Variants in ZNF280D observed in about 807,000 individuals in gnomAD.
ZNF280D encodes zinc finger protein 280D.
A neutral mutation model predicts 94.7 loss-of-function variants in ZNF280D; 39 were observed. The ratio of observed to expected loss-of-function variants is 0.41; its 90% confidence interval spans 0.32 to 0.54. The LOEUF is 0.54. Among genes scored for constraint, ZNF280D ranks in the 20% least tolerant of loss-of-function variants. The pLI is 0.22. For missense variants in ZNF280D, 1,090 were observed against 1,149.3 expected, an observed-to-expected ratio of 0.95 and a Z score of 0.75; for synonymous variants, 398 against 377.6, an observed-to-expected ratio of 1.05 and a Z score of -0.63.
intron 19 of ZNF280D, 68 bp downstream of exon 19, chr15:56,654,130 T>C (rs1438159667): frequency 2.6e-6 from 4 of 1,564,304 alleles, no homozygotes. Context: ...GTATTAATGA[T>C]ACATTTAAAA....
intron 1 of ZNF280D, among the ~76,000 whole-genome samples, chr15:56,725,470 T>C (rs1279472184): frequency 6.6e-6 from 1 of 152,228 alleles, no homozygotes; most frequent in African/African-American, 2.4e-5. Context: ...AGAGTGGTAT[T>C]GTTTTACATT....
At chr15:56,693,810 A>C (rs773698751) in intron 6 of ZNF280D, among the ~76,000 whole-genome samples, 48 of 152,198 alleles carry the variant, frequency 3.2e-4, no homozygotes, top group Non-Finnish European at 5.1e-4. Flanking sequence ...CATAATGTGA[A>C]TTTTGAAATC....
At chr15:56,653,860 T>C (rs1596361241) in intron 19 of ZNF280D, 10 of 1,242,128 alleles carry the variant, frequency 8.1e-6, no homozygotes, top group East Asian at 7.0e-5. Flanking sequence ...TGTTAAGATA[T>C]GTCAACCTGA....
intron 16 of ZNF280D, among the ~76,000 whole-genome samples, chr15:56,665,662 T>C (rs2054235543): frequency 8.2e-6 from 1 of 122,202 alleles, no homozygotes; most frequent in Non-Finnish European, 1.6e-5. Context: ...TTAAAGAGGA[T>C]GACGCCACTA....
rs180851359 is a variant in ZNF280D at position 56,715,662 on chromosome 15, G to A, written c.-85-8356C>T. ...TGTTAATTAAATAAATAAATGGAAT[G>A]AAGCTTTAAAAGATCTCAATAAGAG... On this transcript the variant is annotated intron_variant, in intron 1 of 21. Transcript: ENST00000267807. Among the ~76,000 whole-genome samples, 7 of 152,142 alleles carry A rather than the reference G, an allele frequency of 4.6e-5. No homozygotes were observed. In the East Asian group the frequency reaches 1.4e-3, roughly 29 times the overall value.
chr15:56,704,627 T>C (rs2057289668), intron 3 of ZNF280D, among the ~76,000 whole-genome samples: 1 of 152,136 alleles, frequency 6.6e-6, no homozygotes, highest in Non-Finnish European at 1.5e-5. Context: ...AAAAGGCAGA[T>C]AAACTAAGAA....
chr15:56,657,359 G>A (rs895206128), intron 17 of ZNF280D, among the ~76,000 whole-genome samples: 14 of 152,142 alleles, frequency 9.2e-5, no homozygotes, highest in African/African-American at 2.9e-4. Context: ...AATTCCAGTG[G>A]TTAAAGGAAA....
At chr15:56,676,863 A>T (rs775297862) in intron 12 of ZNF280D, 47 bp from the exon 13 acceptor site, 1 of 1,369,254 alleles carries the variant, frequency 7.3e-7, no homozygotes, top group Non-Finnish European at 1.0e-6. Flanking sequence ...TTTAAAACTG[A>T]TATGCAATTA....
intron 1 of ZNF280D, among the ~76,000 whole-genome samples, chr15:56,713,623 A>G (rs1464303749): frequency 6.6e-6 from 1 of 152,236 alleles, no homozygotes; most frequent in African/African-American, 2.4e-5. Flanking sequence ...TAAAGGATAC[A>G]AAGTGAATTC....
Position 56,654,493 on chromosome 15 carries a change from G to A in ZNF280D, c.2068C>T (p.Leu690=), listed in dbSNP as rs775439389. The change falls in exon 18 of 22, where the codon CTA becomes TTA. Residue 690 remains leucine, a synonymous_variant. Transcript: ENST00000267807. ...KHSENLRGIT[L]VCLNCDFLSD... is the part of the protein sequence containing the mutation. ...AGGAAATCACAATTAAGGCACACTAGAGTAATGCCCCTAAAAAAAAAAGCA... is the reference window on the plus strand; with the variant it reads ...AGGAAATCACAATTAAGGCACACTAAAGTAATGCCCCTAAAAAAAAAAGCA... The A allele has an allele frequency of 6.3e-7, 1 of 1,580,940 alleles. No individual in the cohort carries two copies. The highest frequency in any genetic ancestry group is 2.2e-5 in the East Asian group (1 of 44,610).
At chr15:56,665,682 C>A (rs1438598809) in intron 16 of ZNF280D, among the ~76,000 whole-genome samples, 2 of 119,694 alleles carry the variant, frequency 1.7e-5, no homozygotes, top group Admixed American at 1.2e-4. Flanking sequence ...ACAGCCTGGG[C>A]GACACAGCGA....
intron 3 of ZNF280D, 136 bp downstream of exon 3, chr15:56,706,946 T>A: frequency 2.7e-6 from 2 of 744,566 alleles, no homozygotes; most frequent in Non-Finnish European, 4.5e-6. Context: ...CTTGTTTTTA[T>A]GTGAACATTT....
intron 13 of ZNF280D, among the ~76,000 whole-genome samples, chr15:56,673,471 G>A (rs1392758294): frequency 6.6e-6 from 1 of 151,950 alleles, no homozygotes; most frequent in Non-Finnish European, 1.5e-5. Flanking sequence ...TTCAACGATT[G>A]CTACCATACT....
chr15:56,730,249 G>A (rs1485828788), intron 1 of ZNF280D: 1 of 152,080 alleles, frequency 6.6e-6, no homozygotes, highest in Admixed American at 6.5e-5. Context: ...ACTATTTAAA[G>A]CAATCTGAAA....
intron 14 of ZNF280D, chr15:56,668,003 G>A (rs1368100623): frequency 5.6e-6 from 2 of 354,122 alleles, no homozygotes; most frequent in Non-Finnish European, 1.1e-5. Flanking sequence ...TTACATTAGT[G>A]TTCTGCATGT....
At chr15:56,639,729 G>GA (rs1330095910) in intron 20 of ZNF280D, among the ~76,000 whole-genome samples, 2 of 152,060 alleles carry the variant, frequency 1.3e-5, no homozygotes, top group Admixed American at 6.6e-5. Flanking sequence ...TGCAAAAACT[G>GA]AAAAAAGATG....
At chr15:56,671,593 T>C (rs2054868288) in intron 13 of ZNF280D, among the ~76,000 whole-genome samples, 1 of 152,194 alleles carries the variant, frequency 6.6e-6, no homozygotes, top group African/African-American at 2.4e-5. Context: ...GTAGTATAGT[T>C]TGAAATCAGG....
rs988318861 is a variant in ZNF280D at position 56,668,715 on chromosome 15, T to G, written c.1545+108A>C. 2.1e-5 allele frequency: 23 copies of G among 1,075,534 alleles called. No homozygotes were observed. In the African/African-American group the frequency reaches 3.7e-4, roughly 17 times the overall value. The allele number at this position is 1,075,534 out of a possible 1,614,324, so 66.6% of individuals were successfully genotyped here. A position where few individuals can be genotyped will look rare whatever the true frequency, so the allele number is the denominator to read the frequency against. On this transcript the variant is annotated intron_variant, in intron 14 of 21. Transcript: ENST00000267807. Reference sequence around the variant, plus strand: ...AAAATTAAAACCTAAAATTAGAGTCTGAGCAAAAATCTGAAGTCATTTAAA... The same window carrying G: ...AAAATTAAAACCTAAAATTAGAGTCGGAGCAAAAATCTGAAGTCATTTAAA...
chr15:56,724,801 CACTACAATGTAG>C (rs1298781813), intron 1 of ZNF280D: 1 of 403,634 alleles, frequency 2.5e-6, no homozygotes, highest in African/African-American at 2.1e-5. Flanking sequence ...AATGAACAGA[CACTACAATGTAG>C]TGTCACTGAA....
Sources: allele counts gnomAD v4.1 joint callset (sites outside exome capture counted in the v4.1 genomes callset), GRCh38; gene constraint gnomAD v4.1.1; transcripts MANE v1.5; gene names NCBI Gene and HGNC (gene_info 2026-07-23, HGNC 2026-07-21).